MARS1: variants seen among roughly 807,000 people sequenced by gnomAD.
The protein encoded by MARS1 is methionine--tRNA ligase, cytoplasmic.
In MARS1, 80 loss-of-function variants were observed where a neutral mutation model predicts 119.5. The ratio of observed to expected loss-of-function variants is 0.67; its 90% CI spans 0.56 to 0.81. MARS1 has a LOEUF of 0.81. Ranked by LOEUF, MARS1 falls within the 30% of genes least tolerant of loss-of-function variation. The pLI is 0.00. For synonymous variants in MARS1, 418 were observed against 433.4 expected (o/e 0.96, Z 0.44); for missense variants, 945 against 1,116.5 (o/e 0.85, Z 2.19).
At chr12:57,500,257 C>A in intron 9 of MARS1, 64 bp from the exon 10 acceptor site, 1 of 1,381,502 alleles carries the variant, frequency 7.2e-7, no homozygotes, top group Non-Finnish European at 1.0e-6. Context: ...GTTGGAGTGG[C>A]AGGAGGAAGG....
intron 1 of MARS1, 84 bp downstream of exon 1, chr12:57,488,283 C>T (rs1565635855): frequency 3.1e-6 from 4 of 1,307,052 alleles, no homozygotes; most frequent in African/African-American, 1.4e-5. Context: ...TTTGCCAAAC[C>T]CCTAGCCCTC....
chr12:57,512,189 C>A, intron 13 of MARS1, 47 bp from the exon 14 acceptor site: 1 of 1,598,346 alleles, frequency 6.3e-7, no homozygotes, highest in Non-Finnish European at 8.6e-7. Context: ...CTTCCTTGGG[C>A]CTTTGAAGGA....
chr12:57,495,264 G>GC (rs1221097813), intron 7 of MARS1, among the ~76,000 whole-genome samples: 1 of 149,508 alleles, frequency 6.7e-6, no homozygotes, highest in Non-Finnish European at 1.5e-5. Context: ...GGCGGGGGCT[G>GC]CCCCCCACCT....
Position 57,489,359 on chromosome 12 carries a change from AT to A in MARS1, c.279+15del. ...ACAGAGCTGCAGGTAGGACTAAGGT[AT>A]GGGGGATGTCAGGCAGGCCCTTGTT... On this transcript the variant is annotated intron_variant, in intron 3 of 20. Transcript: ENST00000262027. 2 of 1,614,066 alleles carry A rather than the reference AT, an allele frequency of 1.2e-6. No homozygotes were observed. Among genetic ancestry groups the A allele is most frequent in the Non-Finnish European group, 1.7e-6 (2 of 1,180,018 alleles).
chr12:57,509,710 AGTTGG>A (rs1324652265), intron 11 of MARS1, among the ~76,000 whole-genome samples: 1 of 152,050 alleles, frequency 6.6e-6, no homozygotes, highest in Non-Finnish European at 1.5e-5. Context: ...GTGCCTGGCC[AGTTGG>A]TATTTATTTT....
At chr12:57,498,114 T>A in intron 7 of MARS1, 43 bp from the exon 8 acceptor site, 2 of 1,326,642 alleles carry the variant, frequency 1.5e-6, no homozygotes, top group Non-Finnish European at 2.2e-6. Context: ...CTGTTGACCC[T>A]CACATCCCCC....
chr12:57,490,094 T>C (rs2139999190), intron 5 of MARS1, 113 bp from the exon 6 acceptor site: 2 of 1,454,660 alleles, frequency 1.4e-6, no homozygotes, highest in Non-Finnish European at 9.6e-7. Context: ...CAGAAGATGG[T>C]TGAGGGAACT....
At chr12:57,488,859 G>A (rs533707886) in intron 1 of MARS1, 160 bp from the exon 2 acceptor site, 2 of 764,336 alleles carry the variant, frequency 2.6e-6, no homozygotes, top group Non-Finnish European at 2.1e-6. Flanking sequence ...AGCCCATTCC[G>A]GACCACCCCC....
chr12:57,494,377 G>A (rs1297259579), intron 7 of MARS1, among the ~76,000 whole-genome samples: 1 of 145,280 alleles, frequency 6.9e-6, no homozygotes, highest in Middle Eastern at 3.5e-3. Flanking sequence ...GTCCAGGCTG[G>A]AGTGCAATGG....
At chr12:57,495,384 G>T (rs972777117) in intron 7 of MARS1, among the ~76,000 whole-genome samples, 43 of 143,620 alleles carry the variant, frequency 3.0e-4, no homozygotes, top group African/African-American at 1.1e-3. Flanking sequence ...GGGCAGAGGC[G>T]CTCCTCACAT....
chr12:57,493,945 T>C lies in MARS1; in HGVS notation c.770+3301T>C, dbSNP rs373766404. Among the ~76,000 whole-genome samples the C allele has an allele frequency of 2.8e-4, 28 of 99,404 alleles. 3 individuals carry two copies. In the East Asian group the frequency reaches 2.9e-3, roughly 10 times the overall value. 65.2% of individuals were successfully genotyped at this position (99,404 alleles called of 152,430 possible). On this transcript the variant is annotated intron_variant, in intron 7 of 20. Transcript: ENST00000262027. The stretch of plus-strand genomic sequence containing the variant: ...TATAATATATATTATATATTATATA[T>C]ATATTTTTTAATTTTAATTTTTTTT...
chr12:57,510,264 T>C (rs1462310697), intron 11 of MARS1, among the ~76,000 whole-genome samples: 3 of 152,130 alleles, frequency 2.0e-5, no homozygotes, highest in Non-Finnish European at 4.4e-5. Flanking sequence ...ATGAGGTCAA[T>C]AGACCGAGAC....
intron 7 of MARS1, among the ~76,000 whole-genome samples, chr12:57,497,873 A>T (rs555708773): frequency 6.6e-6 from 1 of 152,240 alleles, no homozygotes; most frequent in East Asian, 1.9e-4. Flanking sequence ...AATAGAAAAC[A>T]AGCAGTCATG....
chr12:57,504,260 GGTGCAGT>G lies in MARS1; in HGVS notation c.1330_1336del (p.Val444ArgfsTer50). On this transcript the variant is annotated frameshift_variant, in exon 11 of 21. Coordinates refer to ENST00000262027, the MANE Select transcript of MARS1 (RefSeq NM_004990.4). LOFTEE classifies it high-confidence loss of function. ...GTAAAGTCTGCCGATCATGCCCTGTGGTGCAGTCGAGCCAGCACCTGTTTCTGGACCT... is the reference window on the plus strand; with the variant it reads ...GTAAAGTCTGCCGATCATGCCCTGTGCGAGCCAGCACCTGTTTCTGGACCT... 1.2e-6 allele frequency: 2 copies of G among 1,614,118 alleles called. No individual in the cohort carries two copies. Among genetic ancestry groups the G allele is most frequent in the Non-Finnish European group, 1.7e-6 (2 of 1,180,004 alleles).
Position 57,501,708 on chromosome 12 carries a change from G to T in MARS1, c.1293+1186G>T, listed in dbSNP as rs147225957. 9.8e-3 allele frequency among the ~76,000 whole-genome samples: 1,485 copies of T among 152,150 alleles called. 13 individuals carry two copies. Among genetic ancestry groups the T allele is most frequent in the Non-Finnish European group, 0.012 (803 of 68,002 alleles). On this transcript the variant is annotated intron_variant, in intron 10 of 20. Transcript: ENST00000262027. ...GTGGTGGCGGACCCCTGTAATCCCC[G>T]CTTCTTGGGAGGCTGAAGCTTGAGA... is the stretch of plus-strand genomic sequence containing the variant.
chr12:57,510,562 G>A (rs796924735), intron 11 of MARS1, among the ~76,000 whole-genome samples: 3 of 151,714 alleles, frequency 2.0e-5, no homozygotes, highest in African/African-American at 7.3e-5. Context: ...CTTGAGCCTT[G>A]GAGTTTAAGA....
intron 11 of MARS1, 117 bp downstream of exon 11, chr12:57,504,416 G>C (rs1189407192): frequency 6.2e-6 from 5 of 801,594 alleles, no homozygotes; most frequent in Non-Finnish European, 1.1e-5. Context: ...ATTAAGAATT[G>C]TACATACTAT....
At chr12:57,495,880 A>G (rs1036941230) in intron 7 of MARS1, among the ~76,000 whole-genome samples, 5 of 152,202 alleles carry the variant, frequency 3.3e-5, no homozygotes, top group Admixed American at 1.3e-4. Flanking sequence ...CGCGCCTGCA[A>G]TCCCAGGCAC....
intron 11 of MARS1, among the ~76,000 whole-genome samples, chr12:57,507,105 C>T (rs1877218586): frequency 6.6e-6 from 1 of 151,164 alleles, no homozygotes; most frequent in African/African-American, 2.4e-5. Context: ...CATCTTGCAC[C>T]GCCCTTAATC....
Sources: gnomAD v4.1 joint callset for allele counts (sites outside exome capture counted in the v4.1 genomes callset) on GRCh38, gnomAD v4.1.1 for gene constraint, MANE v1.5 for transcripts, NCBI Gene and HGNC (gene_info 2026-07-23, HGNC 2026-07-21) for gene names.